Variants in TGFB2 observed in about 807,000 individuals in gnomAD.
TGFB2 encodes the protein transforming growth factor beta-2 proprotein.
Under a neutral mutation model 42.7 loss-of-function variants are expected in TGFB2, and 13 were observed. The observed-to-expected ratio is 0.30, with a 90% CI of 0.20 to 0.48. The LOEUF (loss-of-function observed/expected upper bound fraction) is 0.48, where lower values mean the gene tolerates loss of function less well. TGFB2 is among the 20% of genes least tolerant of loss of function. TGFB2 has a pLI of 0.99. For synonymous variants in TGFB2, 193 were observed against 193.6 expected (o/e 1.00, Z 0.03); for missense variants, 390 against 517.5 (o/e 0.75, Z 2.39).
intron 1 of TGFB2, among the ~76,000 whole-genome samples, chr1:218,385,750 G>T (rs990912812): frequency 2.6e-5 from 4 of 152,172 alleles, no homozygotes; most frequent in Admixed American, 2.0e-4. Context: ...GTGCTGTCTG[G>T]CTCCTTTCCC....
chr1:218,377,958 G>GTGTTTGTT (rs67890412), intron 1 of TGFB2, among the ~76,000 whole-genome samples: 48 of 149,272 alleles, frequency 3.2e-4, no homozygotes, highest in South Asian at 6.2e-4. Flanking sequence ...ATATTATAGT[G>GTGTTTGTT]TGTTTGTTTG....
At chr1:218,357,110 G>A (rs2102539045) in intron 1 of TGFB2, among the ~76,000 whole-genome samples, 1 of 152,192 alleles carries the variant, frequency 6.6e-6, no homozygotes, top group South Asian at 2.1e-4. Flanking sequence ...TACTTGGGAG[G>A]CTGAGGCAGG....
chr1:218,384,869 CTGACAGT>C (rs1170249364), intron 1 of TGFB2, among the ~76,000 whole-genome samples: 1 of 152,218 alleles, frequency 6.6e-6, no homozygotes, highest in East Asian at 1.9e-4. Flanking sequence ...CCGATTGTCT[CTGACAGT>C]TGAGGACAAA....
chr1:218,351,705 AG>A (rs898676857), intron 1 of TGFB2, among the ~76,000 whole-genome samples: 4 of 152,126 alleles, frequency 2.6e-5, no homozygotes, highest in Non-Finnish European at 5.9e-5. Flanking sequence ...ACCTCACAGA[AG>A]GAAGGGGTTG....
intron 2 of TGFB2, among the ~76,000 whole-genome samples, chr1:218,414,561 G>A (rs995757685): frequency 6.6e-6 from 1 of 152,058 alleles, no homozygotes; most frequent in African/African-American, 2.4e-5. Context: ...AATATCTCAG[G>A]GTTTTTTTTC....
intron 1 of TGFB2, among the ~76,000 whole-genome samples, chr1:218,391,553 C>T (rs2102578823): frequency 6.6e-6 from 1 of 152,304 alleles, no homozygotes; most frequent in East Asian, 1.9e-4. Flanking sequence ...ACACTGTGCC[C>T]TGCAGTATCA....
intron 2 of TGFB2, among the ~76,000 whole-genome samples, chr1:218,406,458 T>G (rs1329509276): frequency 6.6e-6 from 1 of 152,162 alleles, no homozygotes; most frequent in Non-Finnish European, 1.5e-5. Flanking sequence ...CTTTACAGAA[T>G]CAGAATCCCC....
chr1:218,399,646 G>A (rs918044782), intron 1 of TGFB2, among the ~76,000 whole-genome samples: 1 of 152,172 alleles, frequency 6.6e-6, no homozygotes, highest in Non-Finnish European at 1.5e-5. Flanking sequence ...TAGTGGTGGG[G>A]AGTCTGTGAG....
rs1229409811 is a variant in TGFB2 at position 218,427,329 on chromosome 1, CTTAT to C, written c.511-6742_511-6739del. 5.3e-5 allele frequency among the ~76,000 whole-genome samples: 8 copies of C among 151,700 alleles called. No individual in the cohort carries two copies. In the East Asian group the frequency reaches 7.7e-4, roughly 15 times the overall value. On this transcript the variant is annotated intron_variant, in intron 2 of 6. Transcript: ENST00000366930. ...CTCTATTCTGCTTCTTTTTTTTCTT[CTTAT>C]TTATTTATTTTATTATTATACTTTA...
At chr1:218,353,845 GC>G (rs1656947298) in intron 1 of TGFB2, among the ~76,000 whole-genome samples, 2 of 152,110 alleles carry the variant, frequency 1.3e-5, no homozygotes, top group South Asian at 4.1e-4. Flanking sequence ...AGCTATGACT[GC>G]CCCGCTGTCC....
Position 218,394,473 on chromosome 1 carries a change from T to C in TGFB2, c.347-10696T>C, listed in dbSNP as rs534154817. 4.4e-3 allele frequency among the ~76,000 whole-genome samples: 672 copies of C among 151,544 alleles called. 8 individuals are homozygous for C. Among genetic ancestry groups the C allele is most frequent in the Non-Finnish European group, 6.2e-3 (420 of 67,822 alleles). On this transcript the variant is annotated intron_variant, in intron 1 of 6. Transcript: ENST00000366930. The stretch of plus-strand genomic sequence containing the variant: ...TGGGCCGGCACCACTGTTATTTTAC[T>C]TTTTTTTTGCGCAGTGTAAGAAGGA...
At chr1:218,422,598 A>C (rs753524631) in intron 2 of TGFB2, among the ~76,000 whole-genome samples, 6 of 152,088 alleles carry the variant, frequency 3.9e-5, no homozygotes, top group Non-Finnish European at 7.4e-5. Context: ...TTGGATGTTC[A>C]TAGTCATCCT....
At chr1:218,352,204 G>A (rs1656890596) in intron 1 of TGFB2, among the ~76,000 whole-genome samples, 1 of 141,658 alleles carries the variant, frequency 7.1e-6, no homozygotes, top group South Asian at 2.2e-4. Context: ...GAAGAGCTCT[G>A]GAAATAGCCC....
At position 218,441,220 on chromosome 1, in the gene TGFB2, A is replaced by C; in HGVS notation, c.1103A>C (p.Asn368Thr). The C allele has an allele frequency of 6.2e-7, 1 of 1,612,564 alleles. No homozygotes were observed. ...TCCTTTCAGGTCCTGAGCTTATATAATACCATAAATCCAGAAGCATCTGCT... is the reference window on the plus strand; with the variant it reads ...TCCTTTCAGGTCCTGAGCTTATATACTACCATAAATCCAGAAGCATCTGCT... ...TQHSRVLSLYNTINPEASASP... is the reference protein window; with the variant it reads ...TQHSRVLSLYTTINPEASASP... The change falls in exon 7 of 7, where the codon AAT (asparagine) becomes ACT (threonine). Residue 368 changes from asparagine to threonine, a missense_variant. Transcript: ENST00000366930.
At chr1:218,357,728 G>C (rs1302074675) in intron 1 of TGFB2, among the ~76,000 whole-genome samples, 1 of 152,186 alleles carries the variant, frequency 6.6e-6, no homozygotes. Flanking sequence ...CCCTCCACAG[G>C]CAGCTGTTTT....
chr1:218,411,790 G>T (rs936437587), intron 2 of TGFB2, among the ~76,000 whole-genome samples: 3 of 150,816 alleles, frequency 2.0e-5, no homozygotes, highest in Non-Finnish European at 4.4e-5. Flanking sequence ...GCTTGAACCC[G>T]GGAGGTGGAG....
chr1:218,400,892 G>A (rs796697032), intron 1 of TGFB2, among the ~76,000 whole-genome samples: 1 of 152,250 alleles, frequency 6.6e-6, no homozygotes, highest in African/African-American at 2.4e-5. Flanking sequence ...GAAGGCAAGG[G>A]GTAGGAGGCA....
rs10482797 is a variant in TGFB2 at position 218,432,437 on chromosome 1, C to A, written c.511-1645C>A. Among the ~76,000 whole-genome samples the A allele has an allele frequency of 3.6e-3, 551 of 152,214 alleles. 3 individuals carry two copies. Among genetic ancestry groups the A allele is most frequent in the African/African-American group, 0.013 (539 of 41,524 alleles). ...GTCTTGTGTAAAATTCATGAGGGCA[C>A]CCAAGGGTCTAATTGTATGAATCTC... On this transcript the variant is annotated intron_variant, in intron 2 of 6. Coordinates refer to ENST00000366930, the MANE Select transcript of TGFB2 (RefSeq NM_003238.6).
intron 1 of TGFB2, among the ~76,000 whole-genome samples, chr1:218,395,999 A>G (rs181136113): frequency 2.0e-5 from 3 of 152,314 alleles, no homozygotes; most frequent in Admixed American, 1.3e-4. Context: ...TGAGAAGGGG[A>G]CATAAAATAG....
Sources: allele counts gnomAD v4.1 joint callset (sites outside exome capture counted in the v4.1 genomes callset), GRCh38; gene constraint gnomAD v4.1.1; transcripts MANE v1.5; gene names NCBI Gene and HGNC (gene_info 2026-07-23, HGNC 2026-07-21).